TOGARAM2: variants seen among roughly 807,000 people sequenced by gnomAD.
The protein encoded by TOGARAM2 is TOG array regulator of axonemal microtubules protein 2.
In TOGARAM2, 85 loss-of-function variants were observed where a neutral mutation model predicts 93.3. The ratio of observed to expected loss-of-function variants is 0.91; its 90% CI spans 0.76 to 1.09. TOGARAM2 has a LOEUF of 1.09. Among genes scored for constraint, TOGARAM2 ranks in the 50% least tolerant of loss-of-function variants. TOGARAM2 has a pLI of 0.00. For synonymous variants in TOGARAM2, 593 were observed against 552.8 expected (o/e 1.07, Z -1.02); for missense variants, 1,277 against 1,334.5 (o/e 0.96, Z 0.67).
upstream of TOGARAM2, among the ~76,000 whole-genome samples, chr2:28,979,114 C>T (rs1672076511): frequency 6.6e-6 from 1 of 152,052 alleles, no homozygotes; most frequent in Non-Finnish European, 1.5e-5. Flanking sequence ...CTGCCCTCCC[C>T]ACCTGGAGTG....
At chr2:29,044,502 A>T (rs1380797657) in intron 18 of TOGARAM2, among the ~76,000 whole-genome samples, 2 of 151,794 alleles carry the variant, frequency 1.3e-5, no homozygotes, top group Non-Finnish European at 2.9e-5. Flanking sequence ...GGTTCCCGGG[A>T]CTCGGGACTG....
chr2:28,986,536 C>G (rs1364521015), intron 1 of TOGARAM2, among the ~76,000 whole-genome samples: 1 of 152,214 alleles, frequency 6.6e-6, no homozygotes, highest in Non-Finnish European at 1.5e-5. Flanking sequence ...ACAGACTGTT[C>G]TGTTAAGAAA....
At position 29,032,987 on chromosome 2, in the gene TOGARAM2, C is replaced by T; in HGVS notation, c.2066C>T (p.Ala689Val). Residue 689 changes from alanine to valine, a missense_variant, in exon 15 of 20, where the codon GCA becomes GTA. By Grantham distance (64) the Ala-to-Val change is moderately conservative (BLOSUM62 0). Transcript: ENST00000379558. ...TTGATGGCGAACACTAAGTTTGATG[C>T]ATTTCTGAAGCAATCTCTCCCATCT... ...NILMANTKFD[A>V]FLKQSLPSYD... 6.2e-7 allele frequency: 1 copy of T among 1,613,884 alleles called. No homozygotes were observed. Among genetic ancestry groups the T allele is most frequent in the Non-Finnish European group, 8.5e-7 (1 of 1,179,862 alleles).
At chr2:28,993,324 C>G (rs1022264940) in intron 1 of TOGARAM2, among the ~76,000 whole-genome samples, 1 of 152,172 alleles carries the variant, frequency 6.6e-6, no homozygotes, top group Non-Finnish European at 1.5e-5. Context: ...CCCCAAATCC[C>G]AGGACCCCAG....
At position 29,052,175 on chromosome 2, in the gene TOGARAM2, C is replaced by A; in HGVS notation, c.*82C>A. 9.2e-7 allele frequency: 1 copy of A among 1,086,580 alleles called. No individual in the cohort carries two copies. The highest frequency in any genetic ancestry group is 1.3e-6 in the Non-Finnish European group (1 of 785,614). The allele number at this position is 1,086,580 out of a possible 1,614,324, so 67.3% of individuals were successfully genotyped here. On this transcript the variant is annotated 3_prime_UTR_variant, in exon 20 of 20. Transcript: ENST00000379558. The stretch of plus-strand genomic sequence containing the variant: ...CCTGGTTACTTTCCCCCTTAGAGTT[C>A]CAGATGTACATGGTATATTTTGAAG...
chr2:28,990,340 G>T (rs1200984022), intron 1 of TOGARAM2, among the ~76,000 whole-genome samples: 1 of 152,172 alleles, frequency 6.6e-6, no homozygotes, highest in Non-Finnish European at 1.5e-5. Context: ...CACTTGAGGG[G>T]TCTGCATGAA....
intron 6 of TOGARAM2, among the ~76,000 whole-genome samples, chr2:29,005,286 G>GTA (rs1673646073): frequency 7.8e-6 from 1 of 128,296 alleles, no homozygotes; most frequent in African/African-American, 2.8e-5. Flanking sequence ...GTGCATATGT[G>GTA]TGTGTGTGCA....
intron 12 of TOGARAM2, among the ~76,000 whole-genome samples, chr2:29,023,577 G>T (rs1288840434): frequency 2.6e-5 from 4 of 152,172 alleles, no homozygotes; most frequent in Admixed American, 6.5e-5. Flanking sequence ...GTCCAGAGAG[G>T]CAGGAGGCTA....
In TOGARAM2 at chr2:29,045,433, C is replaced by A. The variant is rs773089653; in HGVS notation, c.2722+23C>A. The A allele has an allele frequency of 3.0e-5, 48 of 1,597,684 alleles. No individual in the cohort carries two copies. In the Admixed American group the frequency reaches 4.5e-4, roughly 15 times the overall value. The stretch of plus-strand genomic sequence containing the variant: ...CAGGTGAGCACCCCCAGCCCCACCC[C>A]ACCCCATCTCCTGGCAGATTTCTGT... On this transcript the variant is annotated intron_variant, in intron 19 of 19. Transcript: ENST00000379558.
upstream of TOGARAM2, among the ~76,000 whole-genome samples, chr2:28,979,430 A>AGATGTCATT (rs1672087102): frequency 6.6e-6 from 1 of 152,214 alleles, no homozygotes. Context: ...TTCTTGCCTA[A>AGATGTCATT]GATGTCATTG....
At chr2:29,003,755 T>A (rs1043041858) in intron 6 of TOGARAM2, 73 bp downstream of exon 6, 2 of 1,287,678 alleles carry the variant, frequency 1.6e-6, no homozygotes, top group Non-Finnish European at 2.1e-6. Context: ...TGGGGCTCCT[T>A]GTGGCTGACC....
chr2:29,005,412 C>CAT (rs1553338920), intron 6 of TOGARAM2, among the ~76,000 whole-genome samples: 3 of 140,722 alleles, frequency 2.1e-5, no homozygotes, highest in African/African-American at 8.3e-5. Context: ...TGTGTGTGTG[C>CAT]GTGTGTGAGA....
rs1667102420 is a variant in TOGARAM2, at chr2:29,052,007, T to C, written c.2974T>C (p.Leu992=). The C allele has an allele frequency of 1.6e-5, 26 of 1,613,118 alleles. No homozygotes were observed. Among genetic ancestry groups the C allele is most frequent in the East Asian group, 4.5e-5 (2 of 44,888 alleles). Reference sequence around the variant, plus strand: ...CCAGGAACTCTTAGACTCAGAGTCCTTGGGAGGCAGCCGCAAGGCCACTGA... The same window carrying C: ...CCAGGAACTCTTAGACTCAGAGTCCCTGGGAGGCAGCCGCAAGGCCACTGA... The part of the protein sequence containing the change: ...TLQELLDSES[L]GGSRKATDRG... The change falls in exon 20 of 20, where the codon TTG becomes CTG. Residue 992 remains leucine, a synonymous_variant. Transcript: ENST00000379558.
At chr2:28,957,603 C>A (rs1432432797) in intron 1 of TOGARAM2, among the ~76,000 whole-genome samples, 1 of 152,190 alleles carries the variant, frequency 6.6e-6, no homozygotes, top group Non-Finnish European at 1.5e-5. Context: ...TGGCTGGAGT[C>A]ATGACGCTGG....
chr2:29,043,120 C>T (rs1666533335), intron 18 of TOGARAM2, among the ~76,000 whole-genome samples: 1 of 152,196 alleles, frequency 6.6e-6, no homozygotes, highest in African/African-American at 2.4e-5. Context: ...AAACAGGTGC[C>T]ATTCATATGA....
intron 1 of TOGARAM2, among the ~76,000 whole-genome samples, chr2:28,975,350 G>A (rs564151408): frequency 7.9e-5 from 12 of 151,902 alleles, no homozygotes; most frequent in East Asian, 1.9e-4. Flanking sequence ...CACCACGCCC[G>A]GCTATGTTTT....
intron 1 of TOGARAM2, among the ~76,000 whole-genome samples, chr2:28,965,362 T>C (rs1204388081): frequency 2.0e-5 from 3 of 152,322 alleles, no homozygotes; most frequent in East Asian, 3.9e-4. Flanking sequence ...CTCATGACTT[T>C]TGGATTGAAT....
At position 29,002,621 on chromosome 2, in the gene TOGARAM2, G is replaced by T; in HGVS notation, c.513G>T (p.Val171=). The T allele has an allele frequency of 1.9e-6, 3 of 1,613,932 alleles. No homozygotes were observed. The highest frequency in any genetic ancestry group is 1.1e-5 in the South Asian group (1 of 91,072). The change falls in exon 5 of 20, where the codon GTG becomes GTT. Residue 171 remains valine (V), a synonymous_variant. Coordinates refer to ENST00000379558, the MANE Select transcript of TOGARAM2 (RefSeq NM_199280.4). The part of the protein sequence containing the change: ...PRATSQRLLR[V]PRPMPLIQSI... Reference sequence around the variant, plus strand: ...CCACCTCTCAGAGGCTGCTGAGGGTGCCCAGGCCGATGCCTCTCATCCAGA... The same window carrying T: ...CCACCTCTCAGAGGCTGCTGAGGGTTCCCAGGCCGATGCCTCTCATCCAGA...
At chr2:29,010,252 C>T (rs1664155798) in intron 6 of TOGARAM2, among the ~76,000 whole-genome samples, 1 of 152,130 alleles carries the variant, frequency 6.6e-6, no homozygotes, top group Admixed American at 6.5e-5. Flanking sequence ...CCTCTTAGTG[C>T]CGTTGGGCAG....
Sources: allele counts gnomAD v4.1 joint callset (sites outside exome capture counted in the v4.1 genomes callset), GRCh38; gene constraint gnomAD v4.1.1; transcripts MANE v1.5; gene names NCBI Gene and HGNC (gene_info 2026-07-23, HGNC 2026-07-21).